The following PHLDB2 variants were observed in gnomAD, a reference collection of about 807,000 sequenced individuals.
PHLDB2 encodes pleckstrin homology like domain family B member 2.
In PHLDB2, 71 loss-of-function variants were observed where a neutral mutation model predicts 123.6. That is an observed-to-expected ratio of 0.57 (90% CI 0.47 to 0.70). The LOEUF (loss-of-function observed/expected upper bound fraction) is 0.70, where lower values mean the gene tolerates loss of function less well. Ranked by LOEUF, PHLDB2 falls within the 30% of genes least tolerant of loss-of-function variation. The pLI, the probability that PHLDB2 is intolerant of heterozygous loss-of-function variation, is 0.00. For missense variants in PHLDB2, 1,446 were observed against 1,519.5 expected (o/e 0.95, Z 0.80); for synonymous variants, 547 against 541.6 (o/e 1.01, Z -0.14).
At position 111,782,190 on chromosome 3, in the gene PHLDB2, G is replaced by C. The variant is rs983612729; in HGVS notation, c.-49+49487G>C. Among the ~76,000 whole-genome samples the C allele has an allele frequency of 5.3e-5, 8 of 152,142 alleles. No homozygotes were observed. In the South Asian group the frequency reaches 1.2e-3, roughly 24 times the overall value. On this transcript the variant is annotated intron_variant, in intron 1 of 17. Coordinates refer to the PHLDB2 transcript ENST00000393923. The stretch of plus-strand genomic sequence containing the variant: ...AAAATAATAGTAGAATCTAGAGATG[G>C]GTAATGACTGCCCTTAAAATTGGTA...
chr3:111,895,499 G>A (rs1213863118), intron 2 of PHLDB2, among the ~76,000 whole-genome samples: 1 of 152,198 alleles, frequency 6.6e-6, no homozygotes, highest in Non-Finnish European at 1.5e-5. Context: ...AATAAAATTT[G>A]TAGAAAGAAA....
At chr3:111,946,152 G>A (rs2070294423) in intron 9 of PHLDB2, among the ~76,000 whole-genome samples, 1 of 152,080 alleles carries the variant, frequency 6.6e-6, no homozygotes. Flanking sequence ...CTCCTGAGTA[G>A]CTGGGACTAC....
At chr3:111,735,497 A>G (rs2107903732) in intron 1 of PHLDB2, among the ~76,000 whole-genome samples, 2 of 152,356 alleles carry the variant, frequency 1.3e-5, no homozygotes, top group South Asian at 2.1e-4. Context: ...AAATGCCATC[A>G]TGAAATGAGG....
At chr3:111,917,349 T>G (rs780910724) in intron 3 of PHLDB2, 6 of 152,236 alleles carry the variant, frequency 3.9e-5, no homozygotes, top group South Asian at 4.1e-4. Context: ...TGCAGATTGT[T>G]CTGTTATTTT....
chr3:111,736,718 G>A (rs2059514175), intron 1 of PHLDB2, among the ~76,000 whole-genome samples: 1 of 152,120 alleles, frequency 6.6e-6, no homozygotes, highest in Non-Finnish European at 1.5e-5. Context: ...TTTGCTTTGG[G>A]CTAGAATTCT....
At position 111,913,585 on chromosome 3, in the gene PHLDB2, C is replaced by A; in HGVS notation, c.1602C>A (p.Thr534=). The A allele has an allele frequency of 6.2e-7, 1 of 1,614,120 alleles. No homozygotes were observed. Among genetic ancestry groups the A allele is most frequent in the South Asian group, 1.1e-5 (1 of 91,074 alleles). Residue 534 remains threonine (T), a synonymous_variant, in exon 3 of 18, where the codon ACC becomes ACA. Coordinates refer to ENST00000431670, the MANE Select transcript of PHLDB2 (RefSeq NM_001134438.2). ...SLSQSSASFF[T]PRSTRNDELL... ...GTCAGAGCAGTGCCAGCTTCTTTAC[C>A]CCCAGGAGCACCAGGAATGATGAAC...
At chr3:111,822,297 G>GTA (rs1171372131) in intron 1 of PHLDB2, among the ~76,000 whole-genome samples, 3 of 112,326 alleles carry the variant, frequency 2.7e-5, no homozygotes, top group African/African-American at 8.7e-5. Context: ...CTTTATGTAT[G>GTA]TGTGTGTGTG....
chr3:111,958,293 CA>C (rs2107653876), intron 12 of PHLDB2: 1 of 989,360 alleles, frequency 1.0e-6, no homozygotes, highest in East Asian at 1.1e-4. Flanking sequence ...AATTCCTCAG[CA>C]GGTGAGCTAT....
At chr3:111,942,238 G>A (rs539376900) in intron 8 of PHLDB2, among the ~76,000 whole-genome samples, 1 of 152,164 alleles carries the variant, frequency 6.6e-6, no homozygotes, top group African/African-American at 2.4e-5. Flanking sequence ...TGGTCTATAA[G>A]TATTAAGATT....
intron 5 of PHLDB2, among the ~76,000 whole-genome samples, chr3:111,928,391 T>C (rs2068928029): frequency 6.6e-6 from 1 of 152,200 alleles, no homozygotes; most frequent in Non-Finnish European, 1.5e-5. Context: ...TCAATGGGTC[T>C]CAACCTGGCT....
chr3:111,799,147 T>C (rs2061285722), intron 1 of PHLDB2, among the ~76,000 whole-genome samples: 1 of 152,226 alleles, frequency 6.6e-6, no homozygotes. Context: ...CCCCCGTGAT[T>C]CCATTACTTC....
chr3:111,793,930 A>T (rs2061036069), intron 1 of PHLDB2, among the ~76,000 whole-genome samples: 1 of 150,964 alleles, frequency 6.6e-6, no homozygotes, highest in South Asian at 2.1e-4. Context: ...TCCTTCCTCA[A>T]GCAGAAGAAA....
At chr3:111,974,055 C>A (rs1011752552) in intron 17 of PHLDB2, among the ~76,000 whole-genome samples, 1 of 152,126 alleles carries the variant, frequency 6.6e-6, no homozygotes, top group African/African-American at 2.4e-5. Flanking sequence ...CCCTGCGAAA[C>A]GACTCTGCCA....
chr3:111,784,909 G>A (rs3922780), intron 1 of PHLDB2, among the ~76,000 whole-genome samples: 101,463 of 151,926 alleles, frequency 0.67, 35,536 homozygotes, highest in East Asian at 0.93. Flanking sequence ...GATATTATAA[G>A]TAGTGCTATG....
chr3:111,958,611 G>A (rs2071199159), intron 12 of PHLDB2: 2 of 429,600 alleles, frequency 4.7e-6, no homozygotes, highest in Non-Finnish European at 9.2e-6. Context: ...TTCCTTGTGT[G>A]GCTATGATTA....
At chr3:111,804,120 C>A (rs2061482862) in intron 1 of PHLDB2, among the ~76,000 whole-genome samples, 1 of 152,038 alleles carries the variant, frequency 6.6e-6, no homozygotes. Flanking sequence ...ACAGAGACAC[C>A]ATTATGTTGT....
At chr3:111,749,787 G>T (rs1482948909) in intron 1 of PHLDB2, among the ~76,000 whole-genome samples, 1 of 152,098 alleles carries the variant, frequency 6.6e-6, no homozygotes. Flanking sequence ...GTCCTTTAAA[G>T]AACTGTTCTA....
At chr3:111,917,875 G>T (rs1336583311) in intron 3 of PHLDB2, among the ~76,000 whole-genome samples, 1 of 151,950 alleles carries the variant, frequency 6.6e-6, no homozygotes, top group Non-Finnish European at 1.5e-5. Flanking sequence ...AACTTAATGG[G>T]TTTTTTGGGG....
In PHLDB2 at chr3:111,976,205, A is replaced by G. The variant is rs572416125; in HGVS notation, c.*1642A>G. 6.6e-6 allele frequency: 1 copy of G among 152,474 alleles called. No homozygotes were observed. The highest frequency in any genetic ancestry group is 6.5e-5 in the Admixed American group (1 of 15,308). 9.4% of individuals were successfully genotyped at this position (152,474 alleles called of 1,614,324 possible). A position where few individuals can be genotyped will look rare whatever the true frequency, so the allele number is the denominator to read the frequency against. On this transcript the variant is annotated 3_prime_UTR_variant, in exon 18 of 18. Transcript: ENST00000431670. The stretch of plus-strand genomic sequence containing the variant: ...GCATGATGTAGTAAGCCTCTTAAAT[A>G]TGTGTGTTAAATATATTGAGTTTGG...
Sources: gnomAD v4.1 joint callset for allele counts (sites outside exome capture counted in the v4.1 genomes callset) on GRCh38, gnomAD v4.1.1 for gene constraint, MANE v1.5 for transcripts, NCBI Gene and HGNC (gene_info 2026-07-23, HGNC 2026-07-21) for gene names.